The following CCNY variants were observed in gnomAD, a reference collection of about 807,000 sequenced individuals.
CCNY encodes cyclin Y.
A neutral mutation model predicts 42.8 loss-of-function variants in CCNY; 19 were observed. The ratio of observed to expected loss-of-function variants is 0.44; its 90% confidence interval spans 0.31 to 0.65. CCNY has a LOEUF of 0.65. Among genes scored for constraint, CCNY ranks in the 30% least tolerant of loss-of-function variants. The probability of loss-of-function intolerance (pLI) is 0.07; values close to 1 mark genes in which losing one functional copy is unlikely to be tolerated. For missense variants in CCNY, 370 were observed against 437.3 expected, an observed-to-expected ratio of 0.85 and a Z score of 1.37; for synonymous variants, 165 against 162.7, an observed-to-expected ratio of 1.01 and a Z score of -0.11.
chr10:35,545,654 G>A (rs1841096695), intron 7 of CCNY, among the ~76,000 whole-genome samples: 1 of 152,156 alleles, frequency 6.6e-6, no homozygotes, highest in African/African-American at 2.4e-5. Context: ...TTCAACATAT[G>A]CATTTTGGAA....
chr10:35,373,875 GGGGTTGTTTCTCCTAACCCCT>G (rs1181859677), intron 1 of CCNY, among the ~76,000 whole-genome samples: 1 of 152,168 alleles, frequency 6.6e-6, no homozygotes, highest in Non-Finnish European at 1.5e-5. Flanking sequence ...ACTCCATGAA[GGGGTTGTTTCTCCTAACCCCT>G]GAGTTGTTCA....
chr10:35,493,178 C>A (rs1014929738), intron 2 of CCNY, among the ~76,000 whole-genome samples: 2 of 152,134 alleles, frequency 1.3e-5, no homozygotes, highest in African/African-American at 4.8e-5. Context: ...TCATTTAGAC[C>A]CAGAATGTCA....
intron 3 of CCNY, among the ~76,000 whole-genome samples, chr10:35,298,331 CACCAGGGAATG>C (rs1835495187): frequency 1.3e-5 from 2 of 152,182 alleles, no homozygotes; most frequent in African/African-American, 2.4e-5. Context: ...CAACTCTTGG[CACCAGGGAATG>C]ACTGATTTGC....
At chr10:35,502,667 C>T (rs1471355446) in intron 3 of CCNY, among the ~76,000 whole-genome samples, 5 of 151,962 alleles carry the variant, frequency 3.3e-5, no homozygotes, top group Admixed American at 3.3e-4. Context: ...TTTCCCTCGG[C>T]CCCTTAAATT....
chr10:35,400,517 G>C (rs1837620359), intron 1 of CCNY, among the ~76,000 whole-genome samples: 1 of 152,174 alleles, frequency 6.6e-6, no homozygotes, highest in Non-Finnish European at 1.5e-5. Context: ...AATATGCTTT[G>C]TTGAGAAAGC....
chr10:35,295,452 G>C (rs1048900367), intron 3 of CCNY, among the ~76,000 whole-genome samples: 3 of 151,890 alleles, frequency 2.0e-5, no homozygotes, highest in Admixed American at 6.6e-5. Context: ...GGCTGGTCTT[G>C]AACTCCGAAC....
At chr10:35,267,445 C>G (rs2095726698) in intron 3 of CCNY, among the ~76,000 whole-genome samples, 1 of 152,156 alleles carries the variant, frequency 6.6e-6, no homozygotes, top group African/African-American at 2.4e-5. Flanking sequence ...CTGGCTCATT[C>G]TTTTGTTGCC....
At chr10:35,507,063 C>G (rs1303752414) in intron 3 of CCNY, among the ~76,000 whole-genome samples, 2 of 152,182 alleles carry the variant, frequency 1.3e-5, no homozygotes, top group South Asian at 2.1e-4. Flanking sequence ...CTTGTCACTT[C>G]ATTGCTCTCC....
At chr10:35,437,135 C>A (rs1838553863) in intron 1 of CCNY, among the ~76,000 whole-genome samples, 1 of 152,180 alleles carries the variant, frequency 6.6e-6, no homozygotes, top group African/African-American at 2.4e-5. Flanking sequence ...TCAGTTATCT[C>A]CACCCGGCCC....
chr10:35,423,633 G>A (rs1420493403), intron 1 of CCNY, among the ~76,000 whole-genome samples: 1 of 151,972 alleles, frequency 6.6e-6, no homozygotes, highest in East Asian at 1.9e-4. Context: ...GGTGGCGGAT[G>A]TCTCAGTTTG....
chr10:35,452,104 T>C (rs1838931203), intron 1 of CCNY, among the ~76,000 whole-genome samples: 1 of 152,248 alleles, frequency 6.6e-6, no homozygotes, highest in Admixed American at 6.5e-5. Flanking sequence ...AATTAATTTA[T>C]ATGGGAGCAA....
intron 3 of CCNY, among the ~76,000 whole-genome samples, chr10:35,305,017 T>C (rs1272223990): frequency 6.6e-6 from 1 of 152,196 alleles, no homozygotes; most frequent in African/African-American, 2.4e-5. Flanking sequence ...TCATGTAGTA[T>C]TGAACTAAAA....
intron 2 of CCNY, among the ~76,000 whole-genome samples, chr10:35,484,607 T>G (rs1839744768): frequency 6.6e-6 from 1 of 151,774 alleles, no homozygotes; most frequent in East Asian, 1.9e-4. Context: ...TTTCCTCTGG[T>G]GAAGCAGGAA....
chr10:35,516,059 A>G (rs1376397383), intron 3 of CCNY, among the ~76,000 whole-genome samples: 2 of 152,234 alleles, frequency 1.3e-5, no homozygotes, highest in Admixed American at 1.3e-4. Context: ...CTAAATTAAC[A>G]TTGGCTGCAT....
intron 1 of CCNY, among the ~76,000 whole-genome samples, chr10:35,434,963 A>G (rs138169325): frequency 6.6e-6 from 1 of 152,200 alleles, no homozygotes; most frequent in African/African-American, 2.4e-5. Context: ...CAGAGAACAG[A>G]ATGATCTGTG....
At chr10:35,273,137 A>G (rs1263535488) in intron 3 of CCNY, among the ~76,000 whole-genome samples, 2 of 151,676 alleles carry the variant, frequency 1.3e-5, no homozygotes, top group Non-Finnish European at 2.9e-5. Context: ...CGTTCTCCTA[A>G]ATGCCTATTT....
intron 1 of CCNY, among the ~76,000 whole-genome samples, chr10:35,361,885 C>T (rs1468955113): frequency 6.6e-6 from 1 of 152,214 alleles, no homozygotes; most frequent in African/African-American, 2.4e-5. Flanking sequence ...CCCCTCAACA[C>T]ACACACTTCA....
At chr10:35,508,013 G>A (rs914269240) in intron 3 of CCNY, among the ~76,000 whole-genome samples, 7 of 152,062 alleles carry the variant, frequency 4.6e-5, no homozygotes, top group East Asian at 1.9e-4. Flanking sequence ...CTGTTTACTC[G>A]TTTTCCCTTT....
chr10:35,441,606 G>C (rs1838670969), intron 1 of CCNY, among the ~76,000 whole-genome samples: 2 of 152,168 alleles, frequency 1.3e-5, no homozygotes, highest in South Asian at 4.1e-4. Flanking sequence ...GAAATAGCCA[G>C]GGATGGTGGT....
Sources: allele counts gnomAD v4.1 joint callset (sites outside exome capture counted in the v4.1 genomes callset), GRCh38; gene constraint gnomAD v4.1.1; transcripts MANE v1.5; gene names NCBI Gene and HGNC (gene_info 2026-07-23, HGNC 2026-07-21).